The following PKLR variants were observed in gnomAD, a reference collection of about 807,000 sequenced individuals.
The protein encoded by PKLR is pyruvate kinase PKLR.
Under a neutral mutation model 53.6 loss-of-function variants are expected in PKLR, and 38 were observed. That is an observed-to-expected ratio of 0.71 (90% CI 0.55 to 0.93). The LOEUF is 0.93. Among genes scored for constraint, PKLR ranks in the 40% least tolerant of loss-of-function variants. The pLI is 0.00. For synonymous variants in PKLR, 328 were observed against 316.2 expected (o/e 1.04, Z -0.39); for missense variants, 702 against 787.3 (o/e 0.89, Z 1.30).
chr1:155,294,643 G>A lies in PKLR; in HGVS notation c.804C>T (p.Asp268=), dbSNP rs576755609. The A allele has an allele frequency of 6.9e-5, 112 of 1,614,182 alleles. No individual in the cohort carries two copies. In the South Asian group the frequency reaches 1.2e-3, roughly 17 times the overall value. The change falls in exon 6 of 11, where the codon GAC becomes GAT. Residue 268 remains aspartate (D), a synonymous_variant. Coordinates refer to ENST00000342741, the MANE Select transcript of PKLR (RefSeq NM_000298.6). The part of the protein sequence containing the change: ...QVDLPGLSEQ[D]VRDLRFGVEH... ...CCACCCCGAAGCGCAGGTCTCGGACGTCCTGCTCGGACAGCCCGGGCAAGT... is the reference window on the plus strand; with the variant it reads ...CCACCCCGAAGCGCAGGTCTCGGACATCCTGCTCGGACAGCCCGGGCAAGT...
the PKLR span, among the ~76,000 whole-genome samples, chr1:155,307,846 AG>A: frequency 2.0e-5 from 3 of 152,182 alleles, no homozygotes; most frequent in Non-Finnish European, 4.4e-5. Flanking sequence ...GCATGCTGGC[AG>A]GCACCTGTAA....
intron 10 of PKLR, among the ~76,000 whole-genome samples, chr1:155,291,370 C>T (rs745740588): frequency 6.6e-6 from 1 of 151,980 alleles, no homozygotes; most frequent in Admixed American, 6.6e-5. Flanking sequence ...GTGGCGCATG[C>T]CTGTAGTCCC....
Position 155,301,339 on chromosome 1 carries a change from G to A in PKLR, c.57C>T (p.Ser19=). The change falls in exon 1 of 11, where the codon TCC becomes TCT. Residue 19 remains serine, a synonymous_variant. Transcript: ENST00000342741. ...SLQLRSWVSK[S]QRDLAKSILI... ...GGATGGACTTTGCTAAGTCTCTTTG[G>A]GACTTAGAGACCCATGACCGAAGCT... 1 of 1,613,684 alleles carries A rather than the reference G, an allele frequency of 6.2e-7. No homozygotes were observed. Among genetic ancestry groups the A allele is most frequent in the Admixed American group, 1.7e-5 (1 of 60,008 alleles).
At chr1:155,304,997 G>A (rs1016119914), upstream of PKLR, among the ~76,000 whole-genome samples, 2 of 152,134 alleles carry the variant, frequency 1.3e-5, no homozygotes, top group East Asian at 1.9e-4. Flanking sequence ...GCACAGTGGC[G>A]TCTGTAGGGT....
chr1:155,294,171 G>A, intron 7 of PKLR, 64 bp downstream of exon 7: 1 of 1,531,306 alleles, frequency 6.5e-7, no homozygotes, highest in Admixed American at 1.7e-5. Context: ...CTACAGTGTG[G>A]GTATTCACCC....
At chr1:155,301,007 C>T (rs891071218) in intron 1 of PKLR, 2 of 1,552,626 alleles carry the variant, frequency 1.3e-6, no homozygotes, top group Non-Finnish European at 1.7e-6. Flanking sequence ...AAAGTGTCAC[C>T]ACTGTCTCCT....
At chr1:155,296,279 T>C (rs934172214) in intron 2 of PKLR, among the ~76,000 whole-genome samples, 2 of 152,152 alleles carry the variant, frequency 1.3e-5, no homozygotes, top group Non-Finnish European at 2.9e-5. Flanking sequence ...TCTCACCTGC[T>C]CAAGGACATA....
upstream of PKLR, among the ~76,000 whole-genome samples, chr1:155,303,440 G>A (rs1033392540): frequency 1.3e-5 from 2 of 152,220 alleles, no homozygotes; most frequent in African/African-American, 4.8e-5. Context: ...TAAGGACACA[G>A]TAGTGAGCAA....
Position 155,290,531 on chromosome 1 carries a change from G to T in PKLR, c.*41C>A. The T allele has an allele frequency of 8.4e-7, 1 of 1,183,696 alleles. No individual in the cohort carries two copies. Among genetic ancestry groups the T allele is most frequent in the Non-Finnish European group, 1.3e-6 (1 of 790,422 alleles). The allele number at this position is 1,183,696 out of a possible 1,614,324, so 73.3% of individuals were successfully genotyped here. On this transcript the variant is annotated 3_prime_UTR_variant, in exon 11 of 11. Transcript: ENST00000342741. ...GAACGTAGACTGGGGAGGAAGGGAT[G>T]GGGTACAAGGGTAGGCTGGGCCAGA... is the stretch of plus-strand genomic sequence containing the variant.
chr1:155,295,667 C>T lies in PKLR; in HGVS notation c.373G>A (p.Glu125Lys). The T allele has an allele frequency of 3.7e-6, 6 of 1,614,052 alleles. No homozygotes were observed. Among genetic ancestry groups the T allele is most frequent in the Non-Finnish European group, 5.1e-6 (6 of 1,179,964 alleles). ...CTGCCCGGCGGCCCGTCCCGCACCTCGTGGGAGCCGTGGGAGAAGTTGAGT... is the reference window on the plus strand; with the variant it reads ...CTGCCCGGCGGCCCGTCCCGCACCTTGTGGGAGCCGTGGGAGAAGTTGAGT... Reference protein sequence around the residue: ...ARLNFSHGSHEYHAESIANVR... With the variant: ...ARLNFSHGSHKYHAESIANVR... The change falls in exon 3 of 11, where the codon GAG becomes AAG. Residue 125 changes from glutamate (E) to lysine (K), a missense_variant and splice_region_variant. Around this residue, in one of 2 missense-constraint regions of PKLR, gnomAD observed 519 missense variants for 537.1 expected, o/e 0.97. Coordinates refer to ENST00000342741, the MANE Select transcript of PKLR (RefSeq NM_000298.6). The surrounding 1 kb of genome is among the most constrained non-coding windows in gnomAD (Gnocchi z 4.3).
Position 155,290,690 on chromosome 1 carries a change from A to T in PKLR, c.1619-12T>A. On this transcript the variant is annotated splice_polypyrimidine_tract_variant and intron_variant, in intron 10 of 10. Transcript: ENST00000342741. ...GCCACGGAGCTTTCCTGGGGGAGGG[A>T]AAGAAAACAAATCATTGGACAGGTG... The T allele has an allele frequency of 6.6e-7, 1 of 1,518,044 alleles. No individual in the cohort carries two copies. Among genetic ancestry groups the T allele is most frequent in the Non-Finnish European group, 9.1e-7 (1 of 1,093,248 alleles). The allele number at this position is 1,518,044 out of a possible 1,614,324, so 94.0% of individuals were successfully genotyped here.
chr1:155,307,250 C>G, the PKLR span, among the ~76,000 whole-genome samples: 1 of 152,168 alleles, frequency 6.6e-6, no homozygotes, highest in African/African-American at 2.4e-5. Context: ...TGCCAAGAAC[C>G]TGGACACCCT....
At chr1:155,298,857 G>A (rs1647756455) in intron 2 of PKLR, among the ~76,000 whole-genome samples, 2 of 150,990 alleles carry the variant, frequency 1.3e-5, no homozygotes, top group African/African-American at 4.9e-5. Flanking sequence ...TAGCCAGGCT[G>A]GTCTCGGACC....
intron 2 of PKLR, among the ~76,000 whole-genome samples, chr1:155,299,022 CTTTCTTTCTTTCTCTTTCT>C (rs1557963331): frequency 0.044 from 4,300 of 96,950 alleles, 222 homozygotes; most frequent in East Asian, 0.11. Flanking sequence ...TTCTTTCTTT[CTTTCTTTCTTTCTCTTTCT>C]TTCTTTCTTT....
At position 155,294,756 on chromosome 1, in the gene PKLR, C is replaced by A. The variant is rs573513816; in HGVS notation, c.695-4G>T. On this transcript the variant is annotated splice_polypyrimidine_tract_variant and splice_region_variant and intron_variant, in intron 5 of 10. Transcript: ENST00000342741. ...TGGGTCACCAGTCCCTCTGGGCCTG[C>A]GGACATGGAAAGAGCCAGCTGCGGT... 2.9e-5 allele frequency: 46 copies of A among 1,613,808 alleles called. No homozygotes were observed. The South Asian group carries it at 4.2e-4, about 15-fold the overall frequency.
At chr1:155,301,022 C>T in intron 1 of PKLR, 1 of 1,548,528 alleles carries the variant, frequency 6.5e-7, no homozygotes, top group Non-Finnish European at 8.7e-7. Context: ...TCTCCTGTTC[C>T]ATTGGAAGCC....
In PKLR at chr1:155,293,904, G is replaced by A. The variant is rs747263819; in HGVS notation, c.1117-314C>T. Among the ~76,000 whole-genome samples, 1 of 152,098 alleles carries A rather than the reference G, an allele frequency of 6.6e-6. No individual in the cohort carries two copies. Among genetic ancestry groups the A allele is most frequent in the Non-Finnish European group, 1.5e-5 (1 of 67,988 alleles). On this transcript the variant is annotated intron_variant, in intron 7 of 10. Transcript: ENST00000342741. This position sits in a 1 kb window ranked among gnomAD's most constrained non-coding sequence, Gnocchi z 4.2. ...TCCCAGCACTTTGGGAGGCCGAGGCGAGTAGATCACCTGAGGTCAGGAGTT... is the reference window on the plus strand; with the variant it reads ...TCCCAGCACTTTGGGAGGCCGAGGCAAGTAGATCACCTGAGGTCAGGAGTT...
At position 155,300,113 on chromosome 1, in the gene PKLR, T is replaced by C; in HGVS notation, c.268A>G (p.Ile90Val). Reference protein sequence around the residue: ...SEPVAARSTSIIATIGPASRS... With the variant: ...SEPVAARSTSVIATIGPASRS... The stretch of plus-strand genomic sequence containing the variant: ...GAGTGCTTACCGATGGTGGCAATGA[T>C]GCTGGTACTGCGAGCAGCCACGGGC... Residue 90 changes from isoleucine to valine, a missense_variant, in exon 2 of 11, where the codon ATC becomes GTC. Coordinates refer to ENST00000342741, the MANE Select transcript of PKLR (RefSeq NM_000298.6). The C allele has an allele frequency of 6.2e-7, 1 of 1,613,878 alleles. No homozygotes were observed. The highest frequency in any genetic ancestry group is 8.5e-7 in the Non-Finnish European group (1 of 1,180,032).
rs772473652 is a variant in PKLR, at chr1:155,295,208, C to A, written c.602G>T (p.Trp201Leu). ...CCGGACAATATTGGGGTAGTCCACC[C>A]ACACGGTGTTCGCGTTCCCCCGCGT... ...FRTRGNANTV[W>L]VDYPNIVRVV... is the part of the protein sequence containing the mutation. Residue 201 changes from tryptophan (W) to leucine (L), a missense_variant, in exon 5 of 11, where the codon TGG (tryptophan) becomes TTG (leucine). Physicochemically the swap from Trp to Leu is moderately conservative, Grantham distance 61. Around this residue, in one of 2 missense-constraint regions of PKLR, gnomAD observed 519 missense variants for 537.1 expected, o/e 0.97. Transcript: ENST00000342741. This position sits in a 1 kb window ranked among gnomAD's most constrained non-coding sequence, Gnocchi z 4.3. The A allele has an allele frequency of 6.2e-7, 1 of 1,614,134 alleles. No homozygotes were observed. Among genetic ancestry groups the A allele is most frequent in the African/African-American group, 1.3e-5 (1 of 75,064 alleles).
Sources: gnomAD v4.1 joint callset for allele counts (sites outside exome capture counted in the v4.1 genomes callset) on GRCh38, gnomAD v4.1.1 for gene constraint, gnomAD v4.1.1 regional missense constraint, Gnocchi (gnomAD v3.1) non-coding constraint, MANE v1.5 for transcripts, NCBI Gene and HGNC (gene_info 2026-07-23, HGNC 2026-07-21) for gene names.